ADGRA1: variants seen among roughly 807,000 people sequenced by gnomAD.
ADGRA1 encodes adhesion G protein-coupled receptor A1, also known as G-protein coupled receptor 123.
Under a neutral mutation model 21.3 loss-of-function variants are expected in ADGRA1, and 12 were observed. That is an observed-to-expected ratio of 0.56 (90% CI 0.36 to 0.91). The LOEUF (loss-of-function observed/expected upper bound fraction) is 0.91, where lower values mean the gene tolerates loss of function less well. Among genes scored for constraint, ADGRA1 ranks in the 40% least tolerant of loss-of-function variants. The probability of loss-of-function intolerance (pLI) is 0.01; values close to 1 mark genes in which losing one functional copy is unlikely to be tolerated. For synonymous variants in ADGRA1, 385 were observed against 368.8 expected (o/e 1.04, Z -0.50); for missense variants, 790 against 805.6 (o/e 0.98, Z 0.23).
At chr10:133,123,089 C>G (rs1249745065) in intron 5 of ADGRA1, among the ~76,000 whole-genome samples, 1 of 152,236 alleles carries the variant, frequency 6.6e-6, no homozygotes, top group Non-Finnish European at 1.5e-5. Context: ...ACGTTGGTCT[C>G]CGAGGGCTCA....
chr10:133,091,587 A>G (rs556577296), intron 2 of ADGRA1, among the ~76,000 whole-genome samples: 1 of 152,238 alleles, frequency 6.6e-6, no homozygotes, highest in East Asian at 1.9e-4. Flanking sequence ...AGTAGGGTGG[A>G]GGCTCTCAAA....
intron 6 of ADGRA1, among the ~76,000 whole-genome samples, chr10:133,127,948 CTCT>C: frequency 8.9e-6 from 1 of 112,618 alleles, no homozygotes. Context: ...TCCCATCCAG[CTCT>C]GCCCTCTGCT....
intron 2 of ADGRA1, among the ~76,000 whole-genome samples, chr10:133,089,729 G>A (rs1444032560): frequency 6.6e-6 from 1 of 152,266 alleles, no homozygotes; most frequent in African/African-American, 2.4e-5. Context: ...ATCGGTCTGA[G>A]TCACTTGCTC....
At chr10:133,122,538 C>G (rs1033393483) in intron 5 of ADGRA1, among the ~76,000 whole-genome samples, 19 of 152,246 alleles carry the variant, frequency 1.2e-4, no homozygotes, top group Admixed American at 2.6e-4. Context: ...TTTCTTGTCT[C>G]TTTCTTCTTT....
intron 5 of ADGRA1, among the ~76,000 whole-genome samples, chr10:133,105,370 G>T (rs922865770): frequency 1.3e-5 from 2 of 152,296 alleles, no homozygotes; most frequent in East Asian, 3.9e-4. Flanking sequence ...GCCCAGCTCT[G>T]CAAGTGTTTA....
chr10:133,105,643 G>A (rs1851880309), intron 5 of ADGRA1, among the ~76,000 whole-genome samples: 1 of 152,218 alleles, frequency 6.6e-6, no homozygotes, highest in African/African-American at 2.4e-5. Flanking sequence ...TGAGCAGGGG[G>A]GATGCCCCAC....
rs779963993 is a variant in ADGRA1, at chr10:133,128,936, G to A, written c.1108G>A (p.Ala370Thr). The change falls in exon 7 of 7, where the codon GCG becomes ACG. Residue 370 changes from alanine to threonine, a missense_variant. Physicochemically the swap from Ala to Thr is moderately conservative, Grantham distance 58. Transcript: ENST00000392607. ...CTGCAAGATGACCAACCTGCAGGCCGCGCAGGGCCACGCCAGTTGCCTGTC... is the reference window on the plus strand; with the variant it reads ...CTGCAAGATGACCAACCTGCAGGCCACGCAGGGCCACGCCAGTTGCCTGTC... The part of the protein sequence containing the change: ...GPCKMTNLQA[A>T]QGHASCLSPA... 62 of 1,556,274 alleles carry A rather than the reference G, an allele frequency of 4.0e-5. No individual in the cohort carries two copies. The highest frequency in any genetic ancestry group is 3.4e-4 in the Middle Eastern group (2 of 5,964).
chr10:133,124,943 A>T (rs1421001608), intron 5 of ADGRA1, among the ~76,000 whole-genome samples: 1 of 152,212 alleles, frequency 6.6e-6, no homozygotes, highest in Admixed American at 6.5e-5. Context: ...GCTCACCGGG[A>T]AGGAGCCCGG....
chr10:133,094,296 T>C (rs1307080858), intron 2 of ADGRA1, among the ~76,000 whole-genome samples: 1 of 152,056 alleles, frequency 6.6e-6, no homozygotes, highest in African/African-American at 2.4e-5. Flanking sequence ...CATGAAGGGG[T>C]TTGTGTTTGT....
chr10:133,088,892 C>G lies in ADGRA1; in HGVS notation c.-18C>G, dbSNP rs10776692. ...CCTCCTCCAGCGGCGCTCACGCTTC[C>G]GCAACTTTGCAGCGCTCATGGTGAG... On this transcript the variant is annotated 5_prime_UTR_variant, in exon 2 of 7. Coordinates refer to ENST00000392607, the MANE Select transcript of ADGRA1 (RefSeq NM_001083909.3). 0.51 allele frequency: 629,717 copies of G among 1,240,152 alleles called. 161,981 individuals are homozygous for G. The highest frequency in any genetic ancestry group is 0.73 in the East Asian group (23,391 of 31,938). 76.8% of individuals were successfully genotyped at this position (1,240,152 alleles called of 1,614,324 possible).
intron 2 of ADGRA1, among the ~76,000 whole-genome samples, chr10:133,091,932 G>T (rs1851602372): frequency 6.6e-6 from 1 of 152,240 alleles, no homozygotes. Flanking sequence ...GAGGCCGAGA[G>T]TGAGGAGGAG....
intron 2 of ADGRA1, chr10:133,095,545 C>G: frequency 7.5e-7 from 1 of 1,341,448 alleles, no homozygotes; most frequent in Non-Finnish European, 9.9e-7. Flanking sequence ...CTCCTCGTCC[C>G]GGGATGCAGG....
chr10:133,093,750 T>C (rs1851642060), intron 2 of ADGRA1, among the ~76,000 whole-genome samples: 1 of 152,236 alleles, frequency 6.6e-6, no homozygotes, highest in Non-Finnish European at 1.5e-5. Context: ...GTCCAGGAAC[T>C]CTGCTTCTGA....
intron 5 of ADGRA1, among the ~76,000 whole-genome samples, chr10:133,112,752 G>GGT (rs1852076717): frequency 3.6e-5 from 5 of 140,214 alleles, no homozygotes; most frequent in South Asian, 2.4e-4. Flanking sequence ...TGCGGGCCGC[G>GGT]TCGGTTATTT....
intron 5 of ADGRA1, among the ~76,000 whole-genome samples, chr10:133,106,242 C>A (rs1307348037): frequency 1.3e-5 from 2 of 152,190 alleles, no homozygotes; most frequent in African/African-American, 2.4e-5. Flanking sequence ...GGCGCCGGAG[C>A]CCCTGCTGGC....
At position 133,118,753 on chromosome 10, in the gene ADGRA1, C is replaced by A. The variant is rs116207546; in HGVS notation, c.402-8480C>A. On this transcript the variant is annotated intron_variant, in intron 5 of 6. Transcript: ENST00000392607. ...ATCTGAGATGAGATTTGGGTGAGGA[C>A]ACAGAGCCAAACCATATCATGTGCA... Among the ~76,000 whole-genome samples, 393 of 152,280 alleles carry A rather than the reference C, an allele frequency of 2.6e-3. 3 individuals are homozygous for A. The highest frequency in any genetic ancestry group is 9.2e-3 in the African/African-American group (381 of 41,524).
Position 133,128,793 on chromosome 10 carries a change from C to A in ADGRA1, c.965C>A (p.Pro322Gln). ...TGGCAGTGCTGGTGGGCATGCTGCC[C>A]GCCCCGCAAGGACGCCCACCCCGCA... is the stretch of plus-strand genomic sequence containing the variant. ...DVWQCWWACC[P>Q]PRKDAHPALD... Residue 322 changes from proline (P) to glutamine (Q), a missense_variant, in exon 7 of 7, where the codon CCG becomes CAG. Coordinates refer to ENST00000392607, the MANE Select transcript of ADGRA1 (RefSeq NM_001083909.3). 2 of 1,609,380 alleles carry A rather than the reference C, an allele frequency of 1.2e-6. No individual in the cohort carries two copies. The highest frequency in any genetic ancestry group is 1.7e-6 in the Non-Finnish European group (2 of 1,178,494).
chr10:133,127,658 G>A (rs974839145), intron 6 of ADGRA1, among the ~76,000 whole-genome samples: 12 of 152,056 alleles, frequency 7.9e-5, no homozygotes, highest in African/African-American at 1.7e-4. Context: ...GAGTAGGAAC[G>A]GCGGTCCAGC....
chr10:133,103,331 G>A (rs1395033169), intron 5 of ADGRA1, among the ~76,000 whole-genome samples: 1 of 152,208 alleles, frequency 6.6e-6, no homozygotes, highest in African/African-American at 2.4e-5. Flanking sequence ...ACATCAGGCA[G>A]CTGACTGTCA....
Sources: allele counts gnomAD v4.1 joint callset (sites outside exome capture counted in the v4.1 genomes callset), GRCh38; gene constraint gnomAD v4.1.1; transcripts MANE v1.5; gene names NCBI Gene and HGNC (gene_info 2026-07-23, HGNC 2026-07-21).